The following RAI14 variants were observed in gnomAD, a reference collection of about 807,000 sequenced individuals.
The protein encoded by RAI14 is retinoic acid induced 14.
RAI14 carries 45 observed loss-of-function variants against 115.4 expected under a neutral mutation model. The observed-to-expected ratio is 0.39, with a 90% CI of 0.31 to 0.50. The LOEUF (loss-of-function observed/expected upper bound fraction) is 0.50, where lower values mean the gene tolerates loss of function less well. RAI14 is among the 20% of genes least tolerant of loss of function. The pLI is 0.85. For missense variants in RAI14, 939 were observed against 1,131.2 expected (o/e 0.83, Z 2.44); for synonymous variants, 371 against 415.4 (o/e 0.89, Z 1.30).
intron 1 of RAI14, among the ~76,000 whole-genome samples, chr5:34,672,397 G>C (rs1423568534): frequency 6.6e-6 from 1 of 152,138 alleles, no homozygotes; most frequent in African/African-American, 2.4e-5. Context: ...TGTGGGGGGG[G>C]AGCATATTCA....
At chr5:34,721,109 T>C (rs2149994738) in intron 2 of RAI14, among the ~76,000 whole-genome samples, 1 of 152,050 alleles carries the variant, frequency 6.6e-6, no homozygotes, top group Non-Finnish European at 1.5e-5. Context: ...CCCTTCTTCC[T>C]TCTCCTCTCT....
chr5:34,710,761 C>T (rs963182734), intron 2 of RAI14, among the ~76,000 whole-genome samples: 1 of 151,382 alleles, frequency 6.6e-6, no homozygotes, highest in Non-Finnish European at 1.5e-5. Context: ...TGATTCTTAT[C>T]AATGAGTGAG....
chr5:34,676,594 T>TGCTGCCAGAACC (rs1743988699), intron 1 of RAI14, among the ~76,000 whole-genome samples: 1 of 152,178 alleles, frequency 6.6e-6, no homozygotes, highest in South Asian at 2.1e-4. Context: ...CAGAAAGTAG[T>TGCTGCCAGAACC]GCTGCCAGAA....
intron 2 of RAI14, among the ~76,000 whole-genome samples, chr5:34,704,864 A>T (rs1174693263): frequency 1.3e-5 from 2 of 152,224 alleles, no homozygotes; most frequent in Non-Finnish European, 2.9e-5. Context: ...TGGGACAAAG[A>T]TGTTAGCTTT....
chr5:34,749,069 G>T (rs1408921517), intron 2 of RAI14, among the ~76,000 whole-genome samples: 1 of 152,160 alleles, frequency 6.6e-6, no homozygotes, highest in South Asian at 2.1e-4. Flanking sequence ...TGAGGTGTGC[G>T]CAAGATTTTT....
intron 2 of RAI14, among the ~76,000 whole-genome samples, chr5:34,732,257 G>A (rs1305689700): frequency 6.6e-6 from 1 of 152,066 alleles, no homozygotes; most frequent in Non-Finnish European, 1.5e-5. Flanking sequence ...TGCCCAGGAG[G>A]GGTTTTAATC....
intron 2 of RAI14, among the ~76,000 whole-genome samples, chr5:34,743,987 C>T (rs1012330864): frequency 1.1e-4 from 17 of 152,222 alleles, no homozygotes; most frequent in African/African-American, 4.1e-4. Flanking sequence ...TATTTAGACA[C>T]TTAAAGTGCA....
Position 34,812,221 on chromosome 5 carries a change from G to A in RAI14, c.765+13G>A. On this transcript the variant is annotated intron_variant, in intron 10 of 17. Transcript: ENST00000265109. ...AAAACCAAAGCAGGTATTTATCTTT[G>A]GGGGAGGCTTCTATGTTTCATTTAT... 1.3e-6 allele frequency: 2 copies of A among 1,575,288 alleles called. No homozygotes were observed. The highest frequency in any genetic ancestry group is 1.7e-6 in the Non-Finnish European group (2 of 1,151,770).
At chr5:34,775,521 C>T (rs1457328501) in intron 3 of RAI14, among the ~76,000 whole-genome samples, 1 of 152,108 alleles carries the variant, frequency 6.6e-6, no homozygotes, top group Non-Finnish European at 1.5e-5. Context: ...TTGCTTTAGC[C>T]TACGAGTTCA....
At chr5:34,729,455 A>G (rs547230786) in intron 2 of RAI14, among the ~76,000 whole-genome samples, 1 of 152,348 alleles carries the variant, frequency 6.6e-6, no homozygotes, top group Admixed American at 6.5e-5. Context: ...CACTAAAAAT[A>G]TTAAAAATCC....
chr5:34,678,382 C>T (rs1210166501), intron 1 of RAI14, among the ~76,000 whole-genome samples: 7 of 152,114 alleles, frequency 4.6e-5, no homozygotes, highest in Non-Finnish European at 1.0e-4. Context: ...AATTGTGCCC[C>T]TCCACCCCAT....
intron 2 of RAI14, among the ~76,000 whole-genome samples, chr5:34,714,179 A>G (rs553726412): frequency 6.6e-6 from 1 of 152,296 alleles, no homozygotes; most frequent in African/African-American, 2.4e-5. Context: ...TCTTCACATA[A>G]ATTTCTAAGT....
chr5:34,763,818 G>A (rs555868481), intron 3 of RAI14, among the ~76,000 whole-genome samples: 97 of 152,280 alleles, frequency 6.4e-4, no homozygotes, highest in Non-Finnish European at 1.2e-3. Flanking sequence ...GGCAAATGGG[G>A]TTCAGGTAAC....
At chr5:34,692,381 C>G (rs567330177) in intron 2 of RAI14, among the ~76,000 whole-genome samples, 27 of 152,092 alleles carry the variant, frequency 1.8e-4, no homozygotes, top group Non-Finnish European at 3.1e-4. Flanking sequence ...CAATTGCTCA[C>G]TCCTCCTTTC....
At chr5:34,792,764 T>C (rs558564816) in intron 3 of RAI14, among the ~76,000 whole-genome samples, 1 of 152,328 alleles carries the variant, frequency 6.6e-6, no homozygotes, top group African/African-American at 2.4e-5. Flanking sequence ...TCTATCCTTA[T>C]AGAATGAGCT....
At chr5:34,774,795 G>A (rs1205811921) in intron 3 of RAI14, among the ~76,000 whole-genome samples, 1 of 148,664 alleles carries the variant, frequency 6.7e-6, no homozygotes, top group Non-Finnish European at 1.5e-5. Flanking sequence ...ACCCACAAAA[G>A]ACCCAGAACA....
At chr5:34,789,795 A>G (rs1283478443) in intron 3 of RAI14, among the ~76,000 whole-genome samples, 3 of 152,152 alleles carry the variant, frequency 2.0e-5, no homozygotes, top group Admixed American at 6.5e-5. Context: ...GTGCTTTTAC[A>G]CATAATTCTT....
intron 2 of RAI14, among the ~76,000 whole-genome samples, chr5:34,688,650 G>A (rs1007433617): frequency 6.6e-6 from 1 of 152,190 alleles, no homozygotes; most frequent in Non-Finnish European, 1.5e-5. Context: ...AGACCTGGGG[G>A]AGGAGAGCCT....
chr5:34,733,719 G>A (rs946261371), intron 2 of RAI14, among the ~76,000 whole-genome samples: 6 of 152,214 alleles, frequency 3.9e-5, no homozygotes, highest in Non-Finnish European at 7.3e-5. Flanking sequence ...GGGACAGAGA[G>A]GAAGCACTGG....
Sources: allele counts gnomAD v4.1 joint callset (sites outside exome capture counted in the v4.1 genomes callset), GRCh38; gene constraint gnomAD v4.1.1; transcripts MANE v1.5; gene names NCBI Gene and HGNC (gene_info 2026-07-23, HGNC 2026-07-21).